The following ST7 variants were observed in gnomAD, a reference collection of about 807,000 sequenced individuals.
ST7 encodes suppressor of tumorigenicity 7 protein.
A neutral mutation model predicts 78.7 loss-of-function variants in ST7; 28 were observed. That is an observed-to-expected ratio of 0.36 (90% CI 0.26 to 0.49). ST7 has a LOEUF of 0.49. Among genes scored for constraint, ST7 ranks in the 20% least tolerant of loss-of-function variants. The probability of loss-of-function intolerance (pLI) is 0.99; values close to 1 mark genes in which losing one functional copy is unlikely to be tolerated. For missense variants in ST7, 418 were observed against 696.0 expected (o/e 0.60, Z 4.49); for synonymous variants, 247 against 249.6 (o/e 0.99, Z 0.10).
chr7:117,072,104 A>T (rs1330816675), intron 1 of ST7: 1 of 152,216 alleles, frequency 6.6e-6, no homozygotes, highest in Non-Finnish European at 1.5e-5. Context: ...TTAATGGGGG[A>T]AATTTTTTTC....
chr7:117,216,659 C>G (rs933865569), intron 13 of ST7, among the ~76,000 whole-genome samples: 2 of 152,134 alleles, frequency 1.3e-5, no homozygotes, highest in East Asian at 3.9e-4. Flanking sequence ...CTCTGGACCT[C>G]CCCTGCTTAT....
At chr7:117,017,711 C>T (rs1205423235) in intron 1 of ST7, among the ~76,000 whole-genome samples, 1 of 152,048 alleles carries the variant, frequency 6.6e-6, no homozygotes, top group Non-Finnish European at 1.5e-5. Flanking sequence ...CTTTAGACAA[C>T]ATATTAAACT....
In ST7 at chr7:117,148,215, G is replaced by A. The variant is rs11979704; in HGVS notation, c.963+9683G>A. Among the ~76,000 whole-genome samples, 978 of 152,078 alleles carry A rather than the reference G, an allele frequency of 6.4e-3. 5 individuals carry two copies. The highest frequency in any genetic ancestry group is 0.011 in the Non-Finnish European group (729 of 67,954). ...ATTTTGAGGTTTTGTTGTTGGGTGC[G>A]TTTATGTTGGTGATTATTATGACTT... On this transcript the variant is annotated intron_variant, in intron 9 of 15. Transcript: ENST00000323984.
At chr7:117,003,494 C>T (rs1037368021) in intron 1 of ST7, among the ~76,000 whole-genome samples, 1 of 152,050 alleles carries the variant, frequency 6.6e-6, no homozygotes, top group Non-Finnish European at 1.5e-5. Context: ...GATGGGGTTT[C>T]ACCATGTTGA....
chr7:117,053,849 G>A (rs1407439203), intron 1 of ST7, among the ~76,000 whole-genome samples: 2 of 32,980 alleles, frequency 6.1e-5, no homozygotes, highest in African/African-American at 2.4e-4. Context: ...AGGACTAGAC[G>A]GTTTTTTTTT....
intron 1 of ST7, among the ~76,000 whole-genome samples, chr7:117,061,833 TTAAGAATC>T (rs1798372218): frequency 6.6e-6 from 1 of 152,336 alleles, no homozygotes; most frequent in East Asian, 1.9e-4. Context: ...AGGATGAAGC[TTAAGAATC>T]TAAGCACATT....
chr7:117,038,591 G>A (rs1224824031), intron 1 of ST7, among the ~76,000 whole-genome samples: 1 of 152,124 alleles, frequency 6.6e-6, no homozygotes, highest in Non-Finnish European at 1.5e-5. Context: ...TGCTGTAAAG[G>A]TAAATGAGAC....
chr7:117,100,510 T>G lies in ST7; in HGVS notation c.234+666T>G, dbSNP rs553658277. 2.6e-5 allele frequency among the ~76,000 whole-genome samples: 4 copies of G among 152,162 alleles called. No individual in the cohort carries two copies. In the South Asian group the frequency reaches 8.3e-4, roughly 32 times the overall value. ...CAAAACCAACGATCAAAATGGAATA[T>G]TGTACAAAATCAAGATCAATAGAAA... On this transcript the variant is annotated intron_variant, in intron 2 of 15. Transcript: ENST00000323984.
intron 3 of ST7, among the ~76,000 whole-genome samples, chr7:117,119,946 T>TA (rs397890244): frequency 6.6e-6 from 1 of 151,828 alleles, no homozygotes; most frequent in African/African-American, 2.4e-5. Context: ...TTTTTTTTTT[T>TA]ATGTGAGAGT....
chr7:116,965,665 G>A (rs1793073431), intron 1 of ST7, among the ~76,000 whole-genome samples: 1 of 152,154 alleles, frequency 6.6e-6, no homozygotes, highest in Admixed American at 6.5e-5. Flanking sequence ...ACAATTTCTG[G>A]TAGCTTTTAA....
At chr7:117,004,224 T>C (rs1489509448) in intron 1 of ST7, among the ~76,000 whole-genome samples, 1 of 152,136 alleles carries the variant, frequency 6.6e-6, no homozygotes, top group Non-Finnish European at 1.5e-5. Context: ...GAAACCCCAT[T>C]TTCTGAAAAT....
intron 2 of ST7, among the ~76,000 whole-genome samples, chr7:117,109,731 A>G (rs544228398): frequency 6.6e-6 from 1 of 152,318 alleles, no homozygotes; most frequent in South Asian, 2.1e-4. Context: ...AGGAAACAAT[A>G]TAACAAAAAA....
intron 1 of ST7, among the ~76,000 whole-genome samples, chr7:117,021,191 G>C (rs1185607127): frequency 6.6e-6 from 1 of 151,816 alleles, no homozygotes; most frequent in Non-Finnish European, 1.5e-5. Context: ...TAGCATCACA[G>C]TCCAGCAGGA....
chr7:116,972,830 C>G (rs1226170609), intron 1 of ST7: 1 of 1,075,000 alleles, frequency 9.3e-7, no homozygotes, highest in South Asian at 1.3e-5. Flanking sequence ...AGACGATCAG[C>G]TCGCTCCTCT....
intron 1 of ST7, among the ~76,000 whole-genome samples, chr7:117,078,753 A>G (rs1454291251): frequency 6.6e-6 from 1 of 152,202 alleles, no homozygotes. Context: ...ACATTCCAGT[A>G]CAATTAATAA....
intron 9 of ST7, among the ~76,000 whole-genome samples, chr7:117,166,314 C>T (rs1807549307): frequency 6.6e-6 from 1 of 151,976 alleles, no homozygotes; most frequent in African/African-American, 2.4e-5. Flanking sequence ...ATATTGTATG[C>T]CAGCATTTCC....
chr7:117,017,140 C>T (rs1212269459), intron 1 of ST7, among the ~76,000 whole-genome samples: 2 of 152,158 alleles, frequency 1.3e-5, no homozygotes, highest in African/African-American at 4.8e-5. Flanking sequence ...AGTGGCCTTT[C>T]CTGATAATTT....
chr7:116,955,152 A>G, intron 1 of ST7: 1 of 470,412 alleles, frequency 2.1e-6, no homozygotes, highest in Non-Finnish European at 4.4e-6. Context: ...CGCTTTAGAC[A>G]AGTATGTCTC....
At chr7:117,047,731 A>T (rs1017254097) in intron 1 of ST7, among the ~76,000 whole-genome samples, 4 of 152,226 alleles carry the variant, frequency 2.6e-5, no homozygotes, top group Non-Finnish European at 5.9e-5. Flanking sequence ...TTTCGTGGTT[A>T]TAAGTCTCCA....
Sources: allele counts gnomAD v4.1 joint callset (sites outside exome capture counted in the v4.1 genomes callset), GRCh38; gene constraint gnomAD v4.1.1; transcripts MANE v1.5; gene names NCBI Gene and HGNC (gene_info 2026-07-23, HGNC 2026-07-21).